INPP4A: variants seen among roughly 807,000 people sequenced by gnomAD.
INPP4A encodes inositol polyphosphate-4-phosphatase type I A, also known as inositol polyphosphate-4-phosphatase, type I, 107kD.
INPP4A carries 33 observed loss-of-function variants against 119.8 expected under a neutral mutation model. That is an observed-to-expected ratio of 0.28 (90% CI 0.21 to 0.37). The LOEUF is 0.37. INPP4A is among the 10% of genes least tolerant of loss of function. The pLI, the probability that INPP4A is intolerant of heterozygous loss-of-function variation, is 1.00. For missense variants in INPP4A, 956 were observed against 1,289.9 expected (o/e 0.74, Z 3.97); for synonymous variants, 496 against 500.7 (o/e 0.99, Z 0.12).
At chr2:98,481,401 T>G (rs1023491319) in intron 1 of INPP4A, among the ~76,000 whole-genome samples, 1 of 152,174 alleles carries the variant, frequency 6.6e-6, no homozygotes, top group Non-Finnish European at 1.5e-5. Flanking sequence ...AATCGACCAC[T>G]CTTGGCAGCC....
intron 24 of INPP4A, among the ~76,000 whole-genome samples, chr2:98,577,378 C>T (rs536038887): frequency 1.7e-4 from 26 of 152,296 alleles, no homozygotes; most frequent in African/African-American, 6.3e-4. Flanking sequence ...GCAGGACTGC[C>T]CAGAAAACTG....
At chr2:98,536,600 A>G (rs189302165) in intron 7 of INPP4A, among the ~76,000 whole-genome samples, 1 of 152,270 alleles carries the variant, frequency 6.6e-6, no homozygotes, top group Admixed American at 6.5e-5. Flanking sequence ...ATAAATATTT[A>G]TGGAAGGAAT....
At chr2:98,453,217 C>T (rs913397600) in intron 1 of INPP4A, among the ~76,000 whole-genome samples, 4 of 152,124 alleles carry the variant, frequency 2.6e-5, no homozygotes, top group African/African-American at 4.8e-5. Context: ...ATAAAAATAA[C>T]GTTTAGGAGT....
At chr2:98,526,465 C>A (rs1008620254) in intron 4 of INPP4A, among the ~76,000 whole-genome samples, 1 of 152,104 alleles carries the variant, frequency 6.6e-6, no homozygotes. Context: ...TAATTTTAAA[C>A]CACTAGTTGT....
Position 98,558,916 on chromosome 2 carries a change from G to C in INPP4A, c.1823-547G>C, listed in dbSNP as rs1056303872. Among the ~76,000 whole-genome samples the C allele has an allele frequency of 3.3e-5, 5 of 152,366 alleles. No individual in the cohort carries two copies. The East Asian group carries it at 9.6e-4, about 29-fold the overall frequency. ...CTTAACATTTGTTTTAAATTTGGGA[G>C]ATTGGCATAGAGTTTTTTTTGGTAT... On this transcript the variant is annotated intron_variant, in intron 16 of 24. Transcript: ENST00000409851.
intron 7 of INPP4A, 125 bp from the exon 8 acceptor site, chr2:98,537,738 T>C: frequency 1.5e-6 from 1 of 681,190 alleles, no homozygotes; most frequent in Non-Finnish European, 2.7e-6. Flanking sequence ...GCTGACTGAC[T>C]GGTCAGTCAG....
chr2:98,539,385 G>T, intron 9 of INPP4A, 143 bp from the exon 10 acceptor site: 1 of 866,540 alleles, frequency 1.2e-6, no homozygotes, highest in Non-Finnish European at 1.7e-6. Flanking sequence ...GTGGGTTTTC[G>T]GTGTAAGCGT....
intron 10 of INPP4A, among the ~76,000 whole-genome samples, chr2:98,542,251 G>C (rs986618894): frequency 6.6e-6 from 1 of 152,250 alleles, no homozygotes; most frequent in African/African-American, 2.4e-5. Flanking sequence ...CCATGGGGCC[G>C]GCTGGCCACG....
chr2:98,539,453 C>G, intron 9 of INPP4A, 75 bp from the exon 10 acceptor site: 1 of 1,498,822 alleles, frequency 6.7e-7, no homozygotes, highest in South Asian at 1.3e-5. Context: ...CCCTGAGGGC[C>G]GGGGGAGGAG....
chr2:98,502,001 C>T (rs1171865272), intron 1 of INPP4A, among the ~76,000 whole-genome samples: 4 of 152,208 alleles, frequency 2.6e-5, no homozygotes, highest in Non-Finnish European at 5.9e-5. Context: ...CAGTTATCTT[C>T]GTACATCAGT....
In INPP4A at chr2:98,552,952, G is replaced by A. The variant is rs909251709; in HGVS notation, c.1330G>A (p.Ala444Thr). Residue 444 changes from alanine (A) to threonine (T), a missense_variant, in exon 14 of 25, where the codon GCC (alanine) becomes ACC (threonine). Physicochemically the swap from Ala to Thr is moderately conservative, Grantham distance 58. This residue lies in a region of INPP4A where 652 missense variants were observed against 797.9 expected (regional missense o/e 0.82). Transcript: ENST00000409851. ...TGCCACTGGCCTTGAGAGGACACTC[G>A]CCATCTTGGCAGACAAGGTAGGAGG... ...RSATGLERTL[A>T]ILADKTRQLV... The A allele has an allele frequency of 1.4e-5, 22 of 1,610,924 alleles. No individual in the cohort carries two copies. Among genetic ancestry groups the A allele is most frequent in the South Asian group, 4.4e-5 (4 of 90,510 alleles).
intron 24 of INPP4A, 62 bp from the exon 25 acceptor site, chr2:98,587,413 GT>G: frequency 6.9e-7 from 1 of 1,451,138 alleles, no homozygotes; most frequent in Middle Eastern, 1.8e-4. Context: ...TTTCATCTTA[GT>G]TTAAGTCTTT....
chr2:98,544,155 A>G (rs1575010281), intron 11 of INPP4A, 148 bp downstream of exon 11: 2 of 665,776 alleles, frequency 3.0e-6, no homozygotes, highest in Non-Finnish European at 4.7e-6. Flanking sequence ...AGACACTTTA[A>G]TGGATTTTTA....
rs140821624 is a variant in INPP4A, at chr2:98,588,539, G to C, written c.*931G>C. Reference sequence around the variant, plus strand: ...AGGATTTCCAATTTATCTTTGAAAAGACAGTACAATCATGTTTGAATGTCT... The same window carrying C: ...AGGATTTCCAATTTATCTTTGAAAACACAGTACAATCATGTTTGAATGTCT... On this transcript the variant is annotated 3_prime_UTR_variant, in exon 25 of 25. Coordinates refer to ENST00000409851, the MANE Select transcript of INPP4A (RefSeq NM_001134225.2). The C allele has an allele frequency of 8.2e-4, 180 of 219,760 alleles. No homozygotes were observed. Among genetic ancestry groups the C allele is most frequent in the African/African-American group, 3.8e-3 (168 of 44,666 alleles). 13.6% of individuals were successfully genotyped at this position (219,760 alleles called of 1,614,324 possible).
intron 7 of INPP4A, among the ~76,000 whole-genome samples, chr2:98,537,643 G>A (rs574672145): frequency 5.3e-5 from 8 of 152,232 alleles, no homozygotes; most frequent in Middle Eastern, 3.4e-3. Context: ...CCTGTGGTGC[G>A]TGTCCGTTCA....
rs1028685505 is a variant in INPP4A, at chr2:98,593,454, G to C, written c.*5846G>C. The C allele has an allele frequency of 6.6e-6, 1 of 152,392 alleles. No individual in the cohort carries two copies. The highest frequency in any genetic ancestry group is 1.5e-5 in the Non-Finnish European group (1 of 68,094). 9.4% of individuals were successfully genotyped at this position (152,392 alleles called of 1,614,324 possible). The stretch of plus-strand genomic sequence containing the variant: ...TTGCCCACCACCTGCCACTAATGGC[G>C]TGGTGTTCTCCTGGGTTCCCTTTCT... On this transcript the variant is annotated 3_prime_UTR_variant, in exon 25 of 25. Transcript: ENST00000409851.
At chr2:98,537,531 C>G (rs987505570) in intron 7 of INPP4A, among the ~76,000 whole-genome samples, 2 of 152,172 alleles carry the variant, frequency 1.3e-5, no homozygotes, top group Non-Finnish European at 2.9e-5. Flanking sequence ...TCCCCCTCAC[C>G]CTCTGGGCAG....
chr2:98,476,692 A>G (rs988461147), intron 1 of INPP4A, among the ~76,000 whole-genome samples: 6 of 152,140 alleles, frequency 3.9e-5, no homozygotes, highest in African/African-American at 1.4e-4. Context: ...CATGGTTTCC[A>G]CAGTGGTTTG....
chr2:98,574,852 A>G lies in INPP4A; in HGVS notation c.2631+1925A>G, dbSNP rs185854347. Among the ~76,000 whole-genome samples, 274 of 152,280 alleles carry G rather than the reference A, an allele frequency of 1.8e-3. 3 individuals carry two copies. Among genetic ancestry groups the G allele is most frequent in the Admixed American group, 0.015 (230 of 15,306 alleles). ...AAATCATTAAGTATAGGGACAACTGACCATCCCCTGTCACCAGAACAGAAA... is the reference window on the plus strand; with the variant it reads ...AAATCATTAAGTATAGGGACAACTGGCCATCCCCTGTCACCAGAACAGAAA... On this transcript the variant is annotated intron_variant, in intron 23 of 24. Transcript: ENST00000409851.
Sources: gnomAD v4.1 joint callset for allele counts (sites outside exome capture counted in the v4.1 genomes callset) on GRCh38, gnomAD v4.1.1 for gene constraint, gnomAD v4.1.1 regional missense constraint, MANE v1.5 for transcripts, NCBI Gene and HGNC (gene_info 2026-07-23, HGNC 2026-07-21) for gene names.